Variants in CES5A observed in about 807,000 individuals in gnomAD.
CES5A encodes carboxylesterase 5A.
CES5A carries 67 observed loss-of-function variants against 62.9 expected under a neutral mutation model. The observed-to-expected ratio is 1.07, with a 90% CI of 0.88 to 1.31. The LOEUF is 1.31. CES5A is among the 50% of genes most tolerant of loss of function. The probability of loss-of-function intolerance (pLI) is 0.00; values close to 1 mark genes in which losing one functional copy is unlikely to be tolerated. For synonymous variants in CES5A, 296 were observed against 280.8 expected (o/e 1.05, Z -0.54); for missense variants, 748 against 708.5 (o/e 1.06, Z -0.63).
intron 7 of CES5A, among the ~76,000 whole-genome samples, chr16:55,860,071 G>A (rs1414224912): frequency 6.6e-6 from 1 of 152,132 alleles, no homozygotes; most frequent in African/African-American, 2.4e-5. Context: ...CATGGGGGCA[G>A]GTCTTTCCCA....
intron 1 of CES5A, among the ~76,000 whole-genome samples, chr16:55,894,820 A>G (rs2033915822): frequency 6.6e-6 from 1 of 152,176 alleles, no homozygotes; most frequent in Non-Finnish European, 1.5e-5. Flanking sequence ...ATGCAAGACA[A>G]ATGCATTAGC....
At chr16:55,905,882 C>T (rs556181379) in intron 1 of CES5A, among the ~76,000 whole-genome samples, 3 of 152,234 alleles carry the variant, frequency 2.0e-5, no homozygotes, top group East Asian at 1.9e-4. Context: ...GAAAAGGATG[C>T]TTTTATTTTT....
chr16:55,948,453 G>C (rs1383880139), intron 2 of CES5A, among the ~76,000 whole-genome samples: 1 of 152,136 alleles, frequency 6.6e-6, no homozygotes, highest in Admixed American at 6.5e-5. Flanking sequence ...AATTCATCTC[G>C]GGGTAGGCGG....
chr16:55,855,874 T>C (rs1396273105), intron 9 of CES5A, among the ~76,000 whole-genome samples: 1 of 152,146 alleles, frequency 6.6e-6, no homozygotes. Context: ...TAATCTCTAA[T>C]GTTGGAGGTG....
rs141033281 is a variant in CES5A at position 55,916,584 on chromosome 16, C to A, written c.-256+8739G>T. Reference sequence around the variant, plus strand: ...CAAATAGGATTTAAACCACATGAGCCCCCTGGCTCTGCCATCAAACTTGCT... The same window carrying A: ...CAAATAGGATTTAAACCACATGAGCACCCTGGCTCTGCCATCAAACTTGCT... On this transcript the variant is annotated intron_variant, in intron 1 of 12. Transcript: ENST00000518005. Among the ~76,000 whole-genome samples the A allele has an allele frequency of 2.6e-5, 4 of 152,272 alleles. No homozygotes were observed. The East Asian group carries it at 7.7e-4, about 29-fold the overall frequency.
At chr16:55,846,970 A>T in intron 11 of CES5A, 130 bp from the exon 12 acceptor site, 2 of 795,804 alleles carry the variant, frequency 2.5e-6, no homozygotes, top group Non-Finnish European at 4.2e-6. Context: ...AAGTCACTGT[A>T]CCCATTTTAT....
At chr16:55,880,610 T>A (rs2033751827) in intron 1 of CES5A, among the ~76,000 whole-genome samples, 1 of 152,090 alleles carries the variant, frequency 6.6e-6, no homozygotes. Flanking sequence ...TGAAACTGGA[T>A]CTCCCCCCTA....
At chr16:55,889,730 C>T (rs2033855518) in intron 1 of CES5A, among the ~76,000 whole-genome samples, 1 of 151,852 alleles carries the variant, frequency 6.6e-6, no homozygotes, top group South Asian at 2.1e-4. Flanking sequence ...ATAATTAACC[C>T]AACTTTCAAT....
chr16:55,912,339 GC>G lies in CES5A; in HGVS notation c.-256+12983del, dbSNP rs1480782135. Among the ~76,000 whole-genome samples, 7 of 152,312 alleles carry G rather than the reference GC, an allele frequency of 4.6e-5. No homozygotes were observed. The East Asian group carries it at 1.4e-3, about 29-fold the overall frequency. On this transcript the variant is annotated intron_variant, in intron 1 of 12. Coordinates refer to the CES5A transcript ENST00000518005. The stretch of plus-strand genomic sequence containing the variant: ...TTTTAAAAGATACAATGCGCTCCCA[GC>G]GTCTTTCCTTGTCTGTGAGGAGCTG...
At chr16:55,866,658 T>TAAAAAAAA (rs369679801) in intron 4 of CES5A, among the ~76,000 whole-genome samples, 74 of 82,794 alleles carry the variant, frequency 8.9e-4, no homozygotes, top group Non-Finnish European at 1.5e-3. Context: ...CTGTCTCTGC[T>TAAAAAAAA]AAAAAAAAAA....
chr16:55,941,868 AG>A (rs1353342831), intron 2 of CES5A, among the ~76,000 whole-genome samples: 1 of 152,192 alleles, frequency 6.6e-6, no homozygotes, highest in Non-Finnish European at 1.5e-5. Flanking sequence ...TAAAAGTCAT[AG>A]AACAGTACAT....
At chr16:55,941,222 T>C (rs949512617) in intron 2 of CES5A, among the ~76,000 whole-genome samples, 43 of 152,040 alleles carry the variant, frequency 2.8e-4, no homozygotes, top group African/African-American at 8.7e-4. Context: ...TATTTGTAGA[T>C]GACATAGCGT....
chr16:55,892,016 C>T (rs1181159953), intron 1 of CES5A, among the ~76,000 whole-genome samples: 2 of 152,094 alleles, frequency 1.3e-5, no homozygotes, highest in African/African-American at 4.8e-5. Context: ...TCCAGGAACT[C>T]CCCATCCTGA....
At chr16:55,943,222 C>A (rs1432757153) in intron 2 of CES5A, among the ~76,000 whole-genome samples, 2 of 152,176 alleles carry the variant, frequency 1.3e-5, no homozygotes, top group Non-Finnish European at 2.9e-5. Flanking sequence ...TTTCTACAAA[C>A]CATTTTCACA....
intron 1 of CES5A, among the ~76,000 whole-genome samples, chr16:55,913,481 C>G (rs2034115820): frequency 6.6e-6 from 1 of 152,146 alleles, no homozygotes; most frequent in Non-Finnish European, 1.5e-5. Context: ...GTTAGTCCTG[C>G]AAAAGCAGAC....
At chr16:55,891,584 T>G (rs2142433273) in intron 1 of CES5A, among the ~76,000 whole-genome samples, 1 of 152,288 alleles carries the variant, frequency 6.6e-6, no homozygotes, top group East Asian at 1.9e-4. Context: ...CACAGGTAGG[T>G]GACAGACAAA....
chr16:55,929,165 G>A (rs1336401928), upstream of CES5A, among the ~76,000 whole-genome samples: 1 of 152,192 alleles, frequency 6.6e-6, no homozygotes, highest in African/African-American at 2.4e-5. Context: ...GCAATAGAAG[G>A]GAACAGATTA....
In CES5A at chr16:55,884,631, G is replaced by T. The variant is rs149944259; in HGVS notation, c.-255-10594C>A. 2.8e-4 allele frequency among the ~76,000 whole-genome samples: 43 copies of T among 151,760 alleles called. No homozygotes were observed. In the East Asian group the frequency reaches 8.3e-3, roughly 29 times the overall value. On this transcript the variant is annotated intron_variant, in intron 1 of 12. Transcript: ENST00000518005. ...TTTTGAGACAGGGTCTCGCTGTGTTGCCCAGACTGGAGTGCAATAGCATGA... is the reference window on the plus strand; with the variant it reads ...TTTTGAGACAGGGTCTCGCTGTGTTTCCCAGACTGGAGTGCAATAGCATGA...
At chr16:55,854,544 C>CTTTTTTTTTTTTTT (rs56017491) in intron 9 of CES5A, among the ~76,000 whole-genome samples, 1,028 of 64,284 alleles carry the variant, frequency 0.016, 170 homozygotes, top group Non-Finnish European at 0.021. Context: ...TTTTTTTTTT[C>CTTTTTTTTTTTTTT]TTTTTTTTTT....
Sources: allele counts gnomAD v4.1 joint callset (sites outside exome capture counted in the v4.1 genomes callset), GRCh38; gene constraint gnomAD v4.1.1; transcripts MANE v1.5; gene names NCBI Gene and HGNC (gene_info 2026-07-23, HGNC 2026-07-21).